The following TMTC2 variants were observed in gnomAD, a reference collection of about 807,000 sequenced individuals.
The protein encoded by TMTC2 is protein O-mannosyl-transferase TMTC2.
TMTC2 carries 43 observed loss-of-function variants against 82.4 expected under a neutral mutation model. That is an observed-to-expected ratio of 0.52 (90% CI 0.41 to 0.67). TMTC2 has a LOEUF of 0.67. Among genes scored for constraint, TMTC2 ranks in the 30% least tolerant of loss-of-function variants. The pLI is 0.00. For missense variants in TMTC2, 919 were observed against 1,012.4 expected, an observed-to-expected ratio of 0.91 and a Z score of 1.25; for synonymous variants, 408 against 381.9, an observed-to-expected ratio of 1.07 and a Z score of -0.80.
At chr12:83,076,159 A>G (rs964808471) in intron 11 of TMTC2, among the ~76,000 whole-genome samples, 5 of 152,192 alleles carry the variant, frequency 3.3e-5, no homozygotes, top group African/African-American at 1.2e-4. Flanking sequence ...GTTATTCATC[A>G]CAATCTACAT....
At chr12:82,894,823 G>A (rs936527470) in intron 2 of TMTC2, among the ~76,000 whole-genome samples, 5 of 151,812 alleles carry the variant, frequency 3.3e-5, no homozygotes, top group South Asian at 2.1e-4. Context: ...TATTTGAGTC[G>A]GAGTCTCACT....
chr12:82,909,673 C>T (rs1369776776), intron 3 of TMTC2, among the ~76,000 whole-genome samples: 1 of 152,110 alleles, frequency 6.6e-6, no homozygotes, highest in East Asian at 1.9e-4. Flanking sequence ...TTTGCCCTTA[C>T]TTTCCAACCA....
chr12:82,857,410 A>G lies in TMTC2; in HGVS notation c.484A>G (p.Arg162Gly). ...CTGCTACATTAAACACTGTTCTACA[A>G]GAGGCTACTCAGCCAGAACCTGGGG... ...LLCYIKHCST[R>G]GYSARTWGWF... Residue 162 changes from arginine to glycine, a missense_variant, in exon 2 of 12, where the codon AGA becomes GGA. Coordinates refer to ENST00000321196, the MANE Select transcript of TMTC2 (RefSeq NM_152588.3). 1.2e-6 allele frequency: 2 copies of G among 1,614,210 alleles called. No individual in the cohort carries two copies. The highest frequency in any genetic ancestry group is 1.7e-6 in the Non-Finnish European group (2 of 1,180,036).
intron 4 of TMTC2, among the ~76,000 whole-genome samples, chr12:82,946,704 G>T (rs1314909201): frequency 6.6e-6 from 1 of 151,338 alleles, no homozygotes; most frequent in African/African-American, 2.4e-5. Flanking sequence ...GAAACCACAT[G>T]TCATCATCAG....
intron 1 of TMTC2, among the ~76,000 whole-genome samples, chr12:82,856,365 G>A (rs941356851): frequency 1.3e-5 from 2 of 152,184 alleles, no homozygotes; most frequent in African/African-American, 4.8e-5. Flanking sequence ...CTGGATAGGT[G>A]GAGAGCCATT....
At position 82,696,964 on chromosome 12, in the gene TMTC2, G is replaced by GTGTATATATA. The variant is rs374532592; in HGVS notation, c.83+9296_83+9297insGTATATATAT. On this transcript the variant is annotated intron_variant, in intron 1 of 11. Transcript: ENST00000321196. ...GCTCTCTTTCTACATACATACATACGTATATATATATATATATATGTTTCT... is the reference window on the plus strand; with the variant it reads ...GCTCTCTTTCTACATACATACATACGTGTATATATATATATATATATATATATATGTTTCT... Among the ~76,000 whole-genome samples, 18 of 141,552 alleles carry GTGTATATATA rather than the reference G, an allele frequency of 1.3e-4. No homozygotes were observed. In the East Asian group the frequency reaches 1.6e-3, roughly 13 times the overall value. 92.9% of individuals were successfully genotyped at this position (141,552 alleles called of 152,430 possible).
intron 11 of TMTC2, among the ~76,000 whole-genome samples, chr12:83,087,099 G>C (rs555423876): frequency 3.3e-5 from 5 of 152,284 alleles, no homozygotes; most frequent in Admixed American, 6.5e-5. Flanking sequence ...ATAAATTTAT[G>C]TTATATTCTA....
At chr12:82,860,016 T>C (rs895091454) in intron 2 of TMTC2, among the ~76,000 whole-genome samples, 4 of 152,062 alleles carry the variant, frequency 2.6e-5, no homozygotes, top group African/African-American at 9.7e-5. Context: ...CCCTGTCGCC[T>C]AGGCTGGAGT....
intron 1 of TMTC2, among the ~76,000 whole-genome samples, chr12:82,705,568 A>T (rs1034247192): frequency 6.6e-5 from 10 of 152,240 alleles, no homozygotes; most frequent in Admixed American, 6.5e-4. Context: ...TGATAGTTCT[A>T]TTCAAAATTT....
At chr12:82,920,395 G>T (rs978959187) in intron 3 of TMTC2, among the ~76,000 whole-genome samples, 4 of 152,094 alleles carry the variant, frequency 2.6e-5, no homozygotes, top group African/African-American at 9.7e-5. Context: ...TTTCTAGAGG[G>T]ACCTCACATT....
At chr12:83,001,240 A>G (rs1303478984) in intron 8 of TMTC2, among the ~76,000 whole-genome samples, 1 of 152,104 alleles carries the variant, frequency 6.6e-6, no homozygotes, top group African/African-American at 2.4e-5. Flanking sequence ...TTGCATTGTT[A>G]GCTCGCAAAT....
At chr12:82,769,942 T>C (rs1385635597) in intron 1 of TMTC2, among the ~76,000 whole-genome samples, 1 of 152,182 alleles carries the variant, frequency 6.6e-6, no homozygotes, top group Non-Finnish European at 1.5e-5. Flanking sequence ...ATCTGAGTTT[T>C]GTTTTCTTTT....
intron 4 of TMTC2, among the ~76,000 whole-genome samples, chr12:82,935,031 G>A (rs761650311): frequency 1.3e-5 from 2 of 152,044 alleles, no homozygotes; most frequent in African/African-American, 4.8e-5. Flanking sequence ...ACCTTTATAT[G>A]TAGAAATAAA....
intron 2 of TMTC2, among the ~76,000 whole-genome samples, chr12:82,871,843 T>C (rs536106964): frequency 6.6e-6 from 1 of 152,060 alleles, no homozygotes; most frequent in Non-Finnish European, 1.5e-5. Context: ...TATTAATACA[T>C]ATGTACTGTT....
rs193180529 is a variant in TMTC2 at position 82,874,481 on chromosome 12, T to C, written c.654+16901T>C. Among the ~76,000 whole-genome samples the C allele has an allele frequency of 2.0e-5, 3 of 152,334 alleles. No homozygotes were observed. The East Asian group carries it at 5.8e-4, about 29-fold the overall frequency. ...TGGAAAGATGGGCTTCTTGTGCAGA[T>C]ATTATGTTTTTCACTCATTTCTATG... On this transcript the variant is annotated intron_variant, in intron 2 of 11. Coordinates refer to ENST00000321196, the MANE Select transcript of TMTC2 (RefSeq NM_152588.3).
intron 11 of TMTC2, among the ~76,000 whole-genome samples, chr12:83,116,520 T>A (rs1884767138): frequency 6.6e-6 from 1 of 152,232 alleles, no homozygotes; most frequent in African/African-American, 2.4e-5. Context: ...CACACTGTTT[T>A]CCATAGTAGT....
At chr12:82,803,143 G>A (rs1592534268) in intron 1 of TMTC2, among the ~76,000 whole-genome samples, 2 of 152,170 alleles carry the variant, frequency 1.3e-5, no homozygotes, top group East Asian at 1.9e-4. Context: ...TTTTGGCTAT[G>A]TCATCCTTAA....
chr12:83,004,041 T>C (rs1474924171), intron 8 of TMTC2, among the ~76,000 whole-genome samples: 1 of 152,186 alleles, frequency 6.6e-6, no homozygotes, highest in Admixed American at 6.5e-5. Flanking sequence ...CATAAGCCTA[T>C]ATTTCTTGGA....
At chr12:82,825,333 A>T (rs1461968635) in intron 1 of TMTC2, among the ~76,000 whole-genome samples, 1 of 152,186 alleles carries the variant, frequency 6.6e-6, no homozygotes, top group Non-Finnish European at 1.5e-5. Flanking sequence ...GGGGTATCTG[A>T]TGTTTTTATT....
Sources: allele counts gnomAD v4.1 joint callset (sites outside exome capture counted in the v4.1 genomes callset), GRCh38; gene constraint gnomAD v4.1.1; transcripts MANE v1.5; gene names NCBI Gene and HGNC (gene_info 2026-07-23, HGNC 2026-07-21).